Variants in PALLD observed in about 807,000 individuals in gnomAD.
PALLD encodes palladin, cytoskeletal associated protein.
PALLD carries 61 observed loss-of-function variants against 123.5 expected under a neutral mutation model. The ratio of observed to expected loss-of-function variants is 0.49; its 90% CI spans 0.40 to 0.61. The LOEUF (loss-of-function observed/expected upper bound fraction) is 0.61. Among genes scored for constraint, PALLD ranks in the 20% least tolerant of loss-of-function variants. PALLD has a pLI of 0.00. For synonymous variants in PALLD, 465 were observed against 496.4 expected, an observed-to-expected ratio of 0.94 and a Z score of 0.84; for missense variants, 1,273 against 1,377.0, an observed-to-expected ratio of 0.92 and a Z score of 1.20.
At chr4:168,823,515 AC>A (rs1323373396) in intron 10 of PALLD, among the ~76,000 whole-genome samples, 1 of 151,230 alleles carries the variant, frequency 6.6e-6, no homozygotes, top group East Asian at 2.0e-4. Flanking sequence ...CCCTGTCTCT[AC>A]AAAAAATAGA....
At chr4:168,566,054 G>A (rs1374486108) in intron 2 of PALLD, among the ~76,000 whole-genome samples, 1 of 152,066 alleles carries the variant, frequency 6.6e-6, no homozygotes, top group Non-Finnish European at 1.5e-5. Flanking sequence ...TGCAAAACAG[G>A]TCAGAGATAA....
intron 10 of PALLD, among the ~76,000 whole-genome samples, chr4:168,741,503 C>T (rs908501896): frequency 7.9e-5 from 12 of 151,862 alleles, no homozygotes; most frequent in African/African-American, 2.4e-5. Context: ...CATAGCAAGA[C>T]GTCAAGACCA....
At chr4:168,687,647 G>T (rs926147508) in intron 6 of PALLD, among the ~76,000 whole-genome samples, 13 of 152,156 alleles carry the variant, frequency 8.5e-5, no homozygotes, top group Admixed American at 8.5e-4. Flanking sequence ...TCCTGCATGG[G>T]TCTGGCATGT....
intron 2 of PALLD, among the ~76,000 whole-genome samples, chr4:168,584,870 C>A (rs1000292355): frequency 1.3e-5 from 2 of 152,080 alleles, no homozygotes; most frequent in African/African-American, 4.8e-5. Context: ...TTATTCTAGG[C>A]CAATGGTGAG....
At chr4:168,502,575 A>T (rs1161642644) in intron 1 of PALLD, among the ~76,000 whole-genome samples, 1 of 152,208 alleles carries the variant, frequency 6.6e-6, no homozygotes, top group Non-Finnish European at 1.5e-5. Flanking sequence ...GCAACAGTTG[A>T]TAAAACAGAA....
chr4:168,682,748 G>A (rs1479849020), intron 4 of PALLD, among the ~76,000 whole-genome samples: 1 of 152,018 alleles, frequency 6.6e-6, no homozygotes, highest in Non-Finnish European at 1.5e-5. Context: ...TTTTACTCAT[G>A]TTTTGATTTT....
At chr4:168,681,232 A>T in intron 3 of PALLD, 100 bp from the exon 4 acceptor site, 1 of 770,572 alleles carries the variant, frequency 1.3e-6, no homozygotes, top group Non-Finnish European at 2.3e-6. Flanking sequence ...GGTCAAAAAG[A>T]CTTTGTATGT....
rs115727363 is a variant in PALLD, at chr4:168,677,063, G to A, written c.1088-4269G>A. 8.0e-3 allele frequency among the ~76,000 whole-genome samples: 1,223 copies of A among 152,274 alleles called. 9 individuals carry two copies. The highest frequency in any genetic ancestry group is 0.015 in the Admixed American group (231 of 15,298). On this transcript the variant is annotated intron_variant, in intron 3 of 21. Coordinates refer to ENST00000505667, the MANE Select transcript of PALLD (RefSeq NM_001166108.2). ...GTAACTGTTAGGTGAACAGATGATA[G>A]TAACTACAAGGGCTAGAACATGTAA...
At chr4:168,550,595 C>T (rs1000452665) in intron 2 of PALLD, among the ~76,000 whole-genome samples, 11 of 127,888 alleles carry the variant, frequency 8.6e-5, no homozygotes, top group African/African-American at 2.9e-4. Flanking sequence ...GGAGAGTCTC[C>T]CCGTGCCCAG....
At chr4:168,650,106 G>A (rs1427487075) in intron 2 of PALLD, among the ~76,000 whole-genome samples, 1 of 152,040 alleles carries the variant, frequency 6.6e-6, no homozygotes, top group African/African-American at 2.4e-5. Flanking sequence ...CCCAGGAGGC[G>A]GAGGTTGCAG....
intron 2 of PALLD, among the ~76,000 whole-genome samples, chr4:168,612,003 T>A (rs1561303943): frequency 6.6e-6 from 1 of 151,828 alleles, no homozygotes; most frequent in Admixed American, 6.6e-5. Flanking sequence ...CAACAAAAAG[T>A]ACAAATATTA....
chr4:168,673,148 G>A (rs927169524), intron 3 of PALLD, among the ~76,000 whole-genome samples: 3 of 152,158 alleles, frequency 2.0e-5, no homozygotes, highest in Admixed American at 1.3e-4. Flanking sequence ...GTTCACCCTC[G>A]AGACACACAG....
intron 2 of PALLD, among the ~76,000 whole-genome samples, chr4:168,597,061 A>G (rs1345733846): frequency 6.6e-6 from 1 of 152,194 alleles, no homozygotes; most frequent in African/African-American, 2.4e-5. Context: ...GATTTGAAGC[A>G]TGATTGACAG....
intron 2 of PALLD, among the ~76,000 whole-genome samples, chr4:168,635,705 G>T (rs988530142): frequency 1.3e-5 from 2 of 152,202 alleles, no homozygotes; most frequent in African/African-American, 4.8e-5. Flanking sequence ...TGAGGGCCAT[G>T]ACTGTGATGT....
At position 168,894,831 on chromosome 4, in the gene PALLD, A is replaced by AT. The variant is rs1754769514; in HGVS notation, c.2199+159dup. ...ATATCATCAGTCAACCTCACAGCTA[A>AT]TTTTTATTGAGCACATACTATGTTA... On this transcript the variant is annotated intron_variant, in intron 12 of 21. Transcript: ENST00000505667. 8 of 1,251,546 alleles carry AT rather than the reference A, an allele frequency of 6.4e-6. No homozygotes were observed. The South Asian group carries it at 1.1e-4, about 17-fold the overall frequency. The allele number at this position is 1,251,546 out of a possible 1,614,324, so 77.5% of individuals were successfully genotyped here.
intron 10 of PALLD, among the ~76,000 whole-genome samples, chr4:168,765,700 A>C (rs945294431): frequency 6.6e-6 from 1 of 152,218 alleles, no homozygotes; most frequent in African/African-American, 2.4e-5. Context: ...TAATTAATGA[A>C]TTTGTCATCT....
At chr4:168,746,180 A>G (rs1730265804) in intron 10 of PALLD, among the ~76,000 whole-genome samples, 1 of 151,974 alleles carries the variant, frequency 6.6e-6, no homozygotes, top group Admixed American at 6.6e-5. Flanking sequence ...AACATAAAAT[A>G]TAGATATGTG....
chr4:168,914,470 C>T (rs953080211), intron 16 of PALLD, among the ~76,000 whole-genome samples: 2 of 152,194 alleles, frequency 1.3e-5, no homozygotes, highest in African/African-American at 4.8e-5. Context: ...TAGTTCAAAA[C>T]ATAAGACCAT....
intron 2 of PALLD, chr4:168,530,737 G>GCATCACAGA (rs1412029119): frequency 6.6e-6 from 1 of 152,116 alleles, no homozygotes; most frequent in African/African-American, 2.4e-5. Flanking sequence ...TACATCACAG[G>GCATCACAGA]CATGCCCACA....
Sources: gnomAD v4.1 joint callset for allele counts (sites outside exome capture counted in the v4.1 genomes callset) on GRCh38, gnomAD v4.1.1 for gene constraint, MANE v1.5 for transcripts, NCBI Gene and HGNC (gene_info 2026-07-23, HGNC 2026-07-21) for gene names.